The following SLC38A6 variants were observed in gnomAD, a reference collection of about 807,000 sequenced individuals.
SLC38A6 encodes N system amino acid transporter NAT-1.
SLC38A6 carries 73 observed loss-of-function variants against 65.0 expected under a neutral mutation model. That is an observed-to-expected ratio of 1.12 (90% CI 0.93 to 1.37). The LOEUF is 1.37. Among genes scored for constraint, SLC38A6 ranks in the 40% most tolerant of loss-of-function variants. SLC38A6 has a pLI of 0.00. For synonymous variants in SLC38A6, 183 were observed against 178.8 expected, an observed-to-expected ratio of 1.02 and a Z score of -0.19; for missense variants, 561 against 531.1, an observed-to-expected ratio of 1.06 and a Z score of -0.55.
At chr14:61,018,718 G>A (rs2040171372) in intron 4 of SLC38A6, among the ~76,000 whole-genome samples, 2 of 152,176 alleles carry the variant, frequency 1.3e-5, no homozygotes, top group Admixed American at 1.3e-4. Flanking sequence ...AAGATGATAA[G>A]CTAACAAGCC....
chr14:61,021,705 A>C (rs2040352707), intron 5 of SLC38A6, among the ~76,000 whole-genome samples: 1 of 152,222 alleles, frequency 6.6e-6, no homozygotes, highest in South Asian at 2.1e-4. Flanking sequence ...CCTTAAATTT[A>C]GAAAAGCTAG....
chr14:60,981,329 G>C lies in SLC38A6; in HGVS notation c.52G>C (p.Val18Leu). 5.0e-6 allele frequency: 8 copies of C among 1,610,992 alleles called. No homozygotes were observed. Among genetic ancestry groups the C allele is most frequent in the Non-Finnish European group, 6.8e-6 (8 of 1,178,784 alleles). The change falls in exon 1 of 16, where the codon GTC (valine) becomes CTC (leucine). Residue 18 changes from valine to leucine, a missense_variant. Physicochemically the swap from Val to Leu is conservative, Grantham distance 32. Coordinates refer to ENST00000267488, the MANE Select transcript of SLC38A6 (RefSeq NM_153811.3). ...CGCTGAGCGGGGCTGGTATGTCTCT[G>C]TCCAGCAGCCTGAAGAAGCGGAGGC... ...FNAERGWYVS[V>L]QQPEEAEAEE...
intron 4 of SLC38A6, among the ~76,000 whole-genome samples, chr14:61,018,294 C>A (rs989989740): frequency 6.6e-6 from 1 of 152,162 alleles, no homozygotes; most frequent in Non-Finnish European, 1.5e-5. Context: ...AGTCTTTTCA[C>A]AAATAACTTC....
In SLC38A6 at chr14:61,051,931, G is replaced by C; in HGVS notation, c.1195G>C (p.Gly399Arg). 3 of 1,605,134 alleles carry C rather than the reference G, an allele frequency of 1.9e-6. No individual in the cohort carries two copies. ...PDIRNVFGVV[G>R]ASTSTCLIFI... ...CATTAGAAATGTATTTGGTGTAGTT[G>C]GTAAGTTTTCTGTTTCAAAAAGTTC... The change falls in exon 14 of 16, where the codon GGT becomes CGT. Residue 399 changes from glycine (G) to arginine (R), a missense_variant and splice_region_variant. Coordinates refer to ENST00000267488, the MANE Select transcript of SLC38A6 (RefSeq NM_153811.3).
intron 2 of SLC38A6, among the ~76,000 whole-genome samples, chr14:60,983,363 C>T (rs569111389): frequency 2.0e-5 from 3 of 152,188 alleles, no homozygotes; most frequent in East Asian, 1.9e-4. Context: ...TGGTGGAGTG[C>T]GCCTGTAGTC....
At chr14:61,036,328 CTT>C (rs1193749951) in intron 6 of SLC38A6, among the ~76,000 whole-genome samples, 2 of 151,662 alleles carry the variant, frequency 1.3e-5, no homozygotes, top group African/African-American at 2.4e-5. Flanking sequence ...TTATAAAAGT[CTT>C]TGTTCTTCAG....
At chr14:61,015,259 G>A (rs527392282) in intron 3 of SLC38A6, among the ~76,000 whole-genome samples, 14 of 152,286 alleles carry the variant, frequency 9.2e-5, no homozygotes, top group African/African-American at 2.6e-4. Flanking sequence ...GGAGTGACCC[G>A]ATTTTCCAGG....
At chr14:61,016,011 T>G in intron 4 of SLC38A6, 55 bp downstream of exon 4, 1 of 1,402,452 alleles carries the variant, frequency 7.1e-7, no homozygotes, top group Non-Finnish European at 9.9e-7. Flanking sequence ...TTTTTCCTTT[T>G]GTTTCAAGTT....
chr14:61,061,795 TA>T (rs1286287777), intron 15 of SLC38A6, among the ~76,000 whole-genome samples: 1 of 151,188 alleles, frequency 6.6e-6, no homozygotes, highest in Non-Finnish European at 1.5e-5. Flanking sequence ...CAATTACAAA[TA>T]AAGCTGCTCT....
intron 16 of SLC38A6, among the ~76,000 whole-genome samples, chr14:61,082,962 T>C (rs1249520816): frequency 6.6e-6 from 1 of 152,222 alleles, no homozygotes; most frequent in Non-Finnish European, 1.5e-5. Flanking sequence ...CCTTTGAACA[T>C]ATCCGGGAAT....
intron 13 of SLC38A6, among the ~76,000 whole-genome samples, chr14:61,050,925 T>C (rs1315642527): frequency 6.6e-6 from 1 of 152,108 alleles, no homozygotes; most frequent in African/African-American, 2.4e-5. Flanking sequence ...TTTGGGTTTT[T>C]CCCCCCTTTA....
At position 61,009,058 on chromosome 14, in the gene SLC38A6, C is replaced by T. The variant is rs193299567; in HGVS notation, c.311-6846C>T. Among the ~76,000 whole-genome samples the T allele has an allele frequency of 1.0e-3, 158 of 152,184 alleles. 2 individuals are homozygous for T. The East Asian group carries it at 0.022, about 21-fold the overall frequency. Reference sequence around the variant, plus strand: ...CTAAGAGGACTCTATTCTTACAGACCATAAGCGTTCAAAAGTTTTCCAAGA... The same window carrying T: ...CTAAGAGGACTCTATTCTTACAGACTATAAGCGTTCAAAAGTTTTCCAAGA... On this transcript the variant is annotated intron_variant, in intron 3 of 15. Transcript: ENST00000267488.
At chr14:61,082,232 T>G (rs1465567125) in intron 16 of SLC38A6, among the ~76,000 whole-genome samples, 1 of 152,182 alleles carries the variant, frequency 6.6e-6, no homozygotes, top group Admixed American at 6.5e-5. Context: ...CCTGCTGTTG[T>G]CTTCTGTCAT....
rs555842873 is a variant in SLC38A6, at chr14:61,048,272, T to C, written c.925+2105T>C. 4 of 380,204 alleles carry C rather than the reference T, an allele frequency of 1.1e-5. No individual in the cohort carries two copies. In the East Asian group the frequency reaches 3.0e-4, roughly 28 times the overall value. 23.6% of individuals were successfully genotyped at this position (380,204 alleles called of 1,614,324 possible). Reference sequence around the variant, plus strand: ...GATGAACAACTAAAGCCCAGAGAGGTGAAGTGACCTGTCACAGAATTAAAG... The same window carrying C: ...GATGAACAACTAAAGCCCAGAGAGGCGAAGTGACCTGTCACAGAATTAAAG... On this transcript the variant is annotated intron_variant, in intron 12 of 15. Coordinates refer to ENST00000267488, the MANE Select transcript of SLC38A6 (RefSeq NM_153811.3).
intron 3 of SLC38A6, among the ~76,000 whole-genome samples, chr14:61,014,966 G>T (rs967919823): frequency 1.3e-5 from 2 of 152,212 alleles, no homozygotes; most frequent in African/African-American, 4.8e-5. Context: ...GTTTGGCTAT[G>T]CCCTGCCCCT....
rs1594720613 is a variant in SLC38A6, at chr14:61,043,620, G to A, written c.744+117G>A. 7.2e-5 allele frequency: 42 copies of A among 586,418 alleles called. No homozygotes were observed. In the South Asian group the frequency reaches 1.1e-3, roughly 15 times the overall value. The allele number at this position is 586,418 out of a possible 1,614,324, so 36.3% of individuals were successfully genotyped here. ...CTGTGACTAATTAATTTTCATGAAA[G>A]TGCTAAGTATAGGATTGCCTACCAG... On this transcript the variant is annotated intron_variant, in intron 10 of 15. Transcript: ENST00000267488.
chr14:61,018,583 C>T (rs1037871487), intron 4 of SLC38A6, among the ~76,000 whole-genome samples: 1 of 152,144 alleles, frequency 6.6e-6, no homozygotes, highest in Admixed American at 6.6e-5. Context: ...TAGTCAGCTC[C>T]AGGCATACGT....
intron 3 of SLC38A6, among the ~76,000 whole-genome samples, chr14:61,000,771 G>T (rs186394929): frequency 6.8e-4 from 104 of 152,248 alleles, no homozygotes; most frequent in African/African-American, 2.4e-3. Flanking sequence ...CATCGTTTGG[G>T]TATCTTATGA....
chr14:61,037,331 A>G (rs962874406), intron 7 of SLC38A6, among the ~76,000 whole-genome samples, 190 bp downstream of exon 7: 2 of 152,126 alleles, frequency 1.3e-5, no homozygotes, highest in African/African-American at 2.4e-5. Flanking sequence ...TAGTTAACCT[A>G]TTACTTGGTT....
Sources: gnomAD v4.1 joint callset for allele counts (sites outside exome capture counted in the v4.1 genomes callset) on GRCh38, gnomAD v4.1.1 for gene constraint, MANE v1.5 for transcripts, NCBI Gene and HGNC (gene_info 2026-07-23, HGNC 2026-07-21) for gene names.